The following CSNK1G1 variants were observed in gnomAD, a reference collection of about 807,000 sequenced individuals.
CSNK1G1 encodes casein kinase 1 gamma 1.
CSNK1G1 carries 22 observed loss-of-function variants against 59.6 expected under a neutral mutation model. That is an observed-to-expected ratio of 0.37 (90% CI 0.26 to 0.53). The LOEUF (loss-of-function observed/expected upper bound fraction) is 0.53. Ranked by LOEUF, CSNK1G1 falls within the 20% of genes least tolerant of loss-of-function variation. The pLI, the probability that CSNK1G1 is intolerant of heterozygous loss-of-function variation, is 0.89. For missense variants in CSNK1G1, 384 were observed against 519.5 expected (o/e 0.74, Z 2.54); for synonymous variants, 179 against 177.1 (o/e 1.01, Z -0.08).
At chr15:64,181,242 A>C in intron 10 of CSNK1G1, 1 of 1,535,856 alleles carries the variant, frequency 6.5e-7, no homozygotes. Context: ...ATGGTCCCCG[A>C]AATGTAAGTG....
At chr15:64,306,931 T>C in intron 1 of CSNK1G1, among the ~76,000 whole-genome samples, 1 of 134,242 alleles carries the variant, frequency 7.4e-6, no homozygotes, top group Non-Finnish European at 1.5e-5. Context: ...AGAAAAATCC[T>C]AACTATGGAG....
At chr15:64,198,747 A>G (rs972573874) in intron 10 of CSNK1G1, among the ~76,000 whole-genome samples, 29 of 151,848 alleles carry the variant, frequency 1.9e-4, no homozygotes, top group African/African-American at 1.2e-4. Context: ...AAAAAAGGGC[A>G]TAAGAAAACA....
Position 64,216,046 on chromosome 15 carries a change from G to C in CSNK1G1, c.444+516C>G, listed in dbSNP as rs907057444. Among the ~76,000 whole-genome samples, 1 of 152,022 alleles carries C rather than the reference G, an allele frequency of 6.6e-6. No individual in the cohort carries two copies. Among genetic ancestry groups the C allele is most frequent in the African/African-American group, 2.4e-5 (1 of 41,398 alleles). On this transcript the variant is annotated intron_variant, in intron 5 of 11. Coordinates refer to ENST00000303052, the MANE Select transcript of CSNK1G1 (RefSeq NM_022048.5). This position sits in a 1 kb window ranked among gnomAD's most constrained non-coding sequence, Gnocchi z 4.6. ...AGTTTAGACAAGCCTGGGCAACATA[G>C]TGGGAGTCTGTCTCCAAAACACTTT...
intron 4 of CSNK1G1, among the ~76,000 whole-genome samples, chr15:64,241,152 C>A (rs2082688396): frequency 6.6e-6 from 1 of 151,942 alleles, no homozygotes. Context: ...AAGATATATA[C>A]AGACTAAAAA....
At chr15:64,248,065 G>T (rs1891850585) in intron 4 of CSNK1G1, among the ~76,000 whole-genome samples, 1 of 152,202 alleles carries the variant, frequency 6.6e-6, no homozygotes, top group African/African-American at 2.4e-5. Context: ...TGTTACTGTG[G>T]TCTTTGTGTG....
Position 64,355,680 on chromosome 15 carries a change from C to T in CSNK1G1, c.-225+308G>A, listed in dbSNP as rs76303394. On this transcript the variant is annotated intron_variant, in intron 1 of 11. Coordinates refer to ENST00000303052, the MANE Select transcript of CSNK1G1 (RefSeq NM_022048.5). Reference sequence around the variant, plus strand: ...TCCTTTTGGCTCCCGGGGGATGCTCCCCCTTTCAGAGTAAGCCCTCCAGGT... The same window carrying T: ...TCCTTTTGGCTCCCGGGGGATGCTCTCCCTTTCAGAGTAAGCCCTCCAGGT... 3.3e-4 allele frequency among the ~76,000 whole-genome samples: 51 copies of T among 152,262 alleles called. 2 individuals are homozygous for T. The East Asian group carries it at 9.9e-3, about 29-fold the overall frequency.
At chr15:64,348,839 T>G (rs1898118842) in intron 1 of CSNK1G1, among the ~76,000 whole-genome samples, 1 of 152,084 alleles carries the variant, frequency 6.6e-6, no homozygotes, top group Admixed American at 6.6e-5. Flanking sequence ...AAGTGTATTT[T>G]AAAACATATT....
In CSNK1G1 at chr15:64,295,663, A is replaced by G. The variant is rs74019236; in HGVS notation, c.181+4656T>C. 2.9e-3 allele frequency among the ~76,000 whole-genome samples: 438 copies of G among 152,340 alleles called. 4 individuals are homozygous for G. Among genetic ancestry groups the G allele is most frequent in the African/African-American group, 1.0e-2 (415 of 41,582 alleles). ...TATCTTGGGAGAGAGAAATGGAAGA[A>G]TAAAGTACAACATGATAAGTATTAC... is the stretch of plus-strand genomic sequence containing the variant. On this transcript the variant is annotated intron_variant, in intron 2 of 11. Transcript: ENST00000303052.
At chr15:64,355,133 T>A (rs1189621904) in intron 1 of CSNK1G1, among the ~76,000 whole-genome samples, 1 of 152,236 alleles carries the variant, frequency 6.6e-6, no homozygotes, top group African/African-American at 2.4e-5. Flanking sequence ...TGCCTAGACC[T>A]GTGATACATC....
chr15:64,202,315 G>C (rs1423969990), intron 10 of CSNK1G1, among the ~76,000 whole-genome samples: 1 of 152,084 alleles, frequency 6.6e-6, no homozygotes, highest in East Asian at 1.9e-4. Context: ...ACCAGAACTG[G>C]CAAGAGCTCT....
Position 64,312,486 on chromosome 15 carries a change from C to A in CSNK1G1, c.-224-11763G>T, listed in dbSNP as rs1004105888. On this transcript the variant is annotated intron_variant, in intron 1 of 11. Coordinates refer to ENST00000303052, the MANE Select transcript of CSNK1G1 (RefSeq NM_022048.5). ...ACCATCTGATCTTTGACAAACCTGACAATAACCAGAAATGGGGAAAGGATT... is the reference window on the plus strand; with the variant it reads ...ACCATCTGATCTTTGACAAACCTGAAAATAACCAGAAATGGGGAAAGGATT... 2.0e-5 allele frequency among the ~76,000 whole-genome samples: 3 copies of A among 152,114 alleles called. No homozygotes were observed. The South Asian group carries it at 6.2e-4, about 32-fold the overall frequency.
intron 6 of CSNK1G1, among the ~76,000 whole-genome samples, chr15:64,211,158 G>A (rs947709904): frequency 1.3e-5 from 2 of 152,172 alleles, no homozygotes; most frequent in Non-Finnish European, 2.9e-5. Flanking sequence ...AGTAAGTGTG[G>A]CTACTCTGAT....
intron 2 of CSNK1G1, among the ~76,000 whole-genome samples, chr15:64,287,003 G>A (rs937465449): frequency 6.6e-5 from 10 of 151,950 alleles, no homozygotes; most frequent in Non-Finnish European, 1.3e-4. Flanking sequence ...AAATGCTAAT[G>A]ACTATCATCT....
intron 1 of CSNK1G1, among the ~76,000 whole-genome samples, chr15:64,309,703 G>A (rs551370257): frequency 1.3e-5 from 2 of 152,228 alleles, no homozygotes; most frequent in African/African-American, 2.4e-5. Context: ...TCTGCCATGC[G>A]TTATCATTGT....
rs188466771 is a variant in CSNK1G1, at chr15:64,313,347, A to C, written c.-224-12624T>G. On this transcript the variant is annotated intron_variant, in intron 1 of 11. Transcript: ENST00000303052. ...TCACAATAGCAAAGACTTGGAACCAACCCCAATGTCCATCAATGATAGACT... is the reference window on the plus strand; with the variant it reads ...TCACAATAGCAAAGACTTGGAACCACCCCCAATGTCCATCAATGATAGACT... Among the ~76,000 whole-genome samples, 651 of 152,250 alleles carry C rather than the reference A, an allele frequency of 4.3e-3. 2 individuals are homozygous for C. The highest frequency in any genetic ancestry group is 0.015 in the African/African-American group (642 of 41,540).
chr15:64,239,790 T>C (rs754936099), intron 4 of CSNK1G1, among the ~76,000 whole-genome samples: 8 of 149,584 alleles, frequency 5.3e-5, no homozygotes, highest in South Asian at 2.1e-4. Context: ...AACTAAGAGA[T>C]AGATATAGAA....
chr15:64,181,620 A>C, intron 10 of CSNK1G1: 1 of 544,648 alleles, frequency 1.8e-6, no homozygotes, highest in South Asian at 2.7e-5. Context: ...AAATTGCCCT[A>C]ATCAGCCCTA....
In CSNK1G1 at chr15:64,213,911, T is replaced by C. The variant is rs372283818; in HGVS notation, c.658A>G (p.Ile220Val). ...SLTGTARYMS[I>V]NTHLGKEQSR... Reference sequence around the variant, plus strand: ...ACACCTTTGCCAAGATGCGTGTTGATAGACATATATCTTGCAGTTCCAGTT... The same window carrying C: ...ACACCTTTGCCAAGATGCGTGTTGACAGACATATATCTTGCAGTTCCAGTT... Residue 220 changes from isoleucine to valine, a missense_variant, in exon 6 of 12, where the codon ATC becomes GTC. Coordinates refer to ENST00000303052, the MANE Select transcript of CSNK1G1 (RefSeq NM_022048.5). The C allele has an allele frequency of 1.1e-5, 18 of 1,613,680 alleles. No individual in the cohort carries two copies. Among genetic ancestry groups the C allele is most frequent in the East Asian group, 1.1e-4 (5 of 44,888 alleles).
intron 1 of CSNK1G1, among the ~76,000 whole-genome samples, chr15:64,320,867 CAAGTT>C (rs1896526940): frequency 6.6e-6 from 1 of 152,016 alleles, no homozygotes; most frequent in African/African-American, 2.4e-5. Flanking sequence ...CCTCTGGTCT[CAAGTT>C]CTTAAAGTGA....
Sources: gnomAD v4.1 joint callset for allele counts (sites outside exome capture counted in the v4.1 genomes callset) on GRCh38, gnomAD v4.1.1 for gene constraint, Gnocchi (gnomAD v3.1) non-coding constraint, MANE v1.5 for transcripts, NCBI Gene and HGNC (gene_info 2026-07-23, HGNC 2026-07-21) for gene names.